LEPR: variants seen among roughly 807,000 people sequenced by gnomAD.
The protein encoded by LEPR is leptin receptor, also known as OB receptor.
In LEPR, 56 loss-of-function variants were observed where a neutral mutation model predicts 114.7. The ratio of observed to expected loss-of-function variants is 0.49; its 90% CI spans 0.39 to 0.61. LEPR has a LOEUF of 0.61. Among genes scored for constraint, LEPR ranks in the 20% least tolerant of loss-of-function variants. The probability of loss-of-function intolerance (pLI) is 0.00; values close to 1 mark genes in which losing one functional copy is unlikely to be tolerated. For missense variants in LEPR, 1,202 were observed against 1,352.9 expected (o/e 0.89, Z 1.75); for synonymous variants, 443 against 461.4 (o/e 0.96, Z 0.51).
intron 3 of LEPR, among the ~76,000 whole-genome samples, chr1:65,569,707 TAAAAA>T (rs199787348): frequency 4.3e-5 from 4 of 92,462 alleles, no homozygotes; most frequent in African/African-American, 4.6e-5. Context: ...AATTCCATCT[TAAAAA>T]AAAAAAAAAA....
chr1:65,621,515 C>T, intron 18 of LEPR, 57 bp downstream of exon 18: 1 of 1,436,522 alleles, frequency 7.0e-7, no homozygotes, highest in South Asian at 1.2e-5. Context: ...GTATTCAAAC[C>T]CTGATTTAAA....
intron 15 of LEPR, among the ~76,000 whole-genome samples, chr1:65,616,477 A>G (rs1309794927): frequency 6.6e-6 from 1 of 152,160 alleles, no homozygotes; most frequent in Non-Finnish European, 1.5e-5. Context: ...GTTTTAGTGA[A>G]TCTAATACTT....
At chr1:65,480,632 G>C (rs1328887823) in intron 2 of LEPR, among the ~76,000 whole-genome samples, 1 of 152,134 alleles carries the variant, frequency 6.6e-6, no homozygotes, top group Non-Finnish European at 1.5e-5. Context: ...TTATAGGTTT[G>C]AGTAGATTTT....
In LEPR at chr1:65,570,719, A is replaced by T. The variant is rs1654093668; in HGVS notation, c.287A>T (p.Asp96Val). ...CACTGTTGCTTTCGGAGTGAGCAAGATAGAAACTGCTCCTTATGTGCAGAC... is the reference window on the plus strand; with the variant it reads ...CACTGTTGCTTTCGGAGTGAGCAAGTTAGAAACTGCTCCTTATGTGCAGAC... ...TFHCCFRSEQDRNCSLCADNI... is the reference protein window; with the variant it reads ...TFHCCFRSEQVRNCSLCADNI... The change falls in exon 4 of 20, where the codon GAT (aspartate) becomes GTT (valine). Residue 96 changes from aspartate (D) to valine (V), a missense_variant. Transcript: ENST00000349533. The T allele has an allele frequency of 1.2e-6, 2 of 1,611,962 alleles. No individual in the cohort carries two copies. The highest frequency in any genetic ancestry group is 2.2e-5 in the East Asian group (1 of 44,812).
chr1:65,605,065 A>G lies in LEPR; in HGVS notation c.1431A>G (p.Pro477=). The part of the protein sequence containing the change: ...HRSSLYCSDI[P]SIHPISEPKD... ...GCAGCCTTTACTGTTCTGATATTCC[A>G]TCTATTCATCCCATATCTGAGCCCA... The change falls in exon 11 of 20, where the codon CCA becomes CCG. Residue 477 remains proline, a synonymous_variant. Transcript: ENST00000349533. 1 of 1,613,732 alleles carries G rather than the reference A, an allele frequency of 6.2e-7. No individual in the cohort carries two copies. Among genetic ancestry groups the G allele is most frequent in the Non-Finnish European group, 8.5e-7 (1 of 1,180,012 alleles).
rs1570868164 is a variant in LEPR, at chr1:65,633,898, C to T, written c.2674-2293C>T. 2.0e-6 allele frequency: 2 copies of T among 985,386 alleles called. No individual in the cohort carries two copies. Among genetic ancestry groups the T allele is most frequent in the East Asian group, 1.1e-4 (1 of 8,822 alleles). 61.0% of individuals were successfully genotyped at this position (985,386 alleles called of 1,614,324 possible). The stretch of plus-strand genomic sequence containing the variant: ...GTTCATATCAGGATGACCCTACATA[C>T]CCAGGTCAGATTGACGGGACCAGAA... On this transcript the variant is annotated intron_variant, in intron 19 of 19. Coordinates refer to ENST00000349533, the MANE Select transcript of LEPR (RefSeq NM_002303.6). The surrounding 1 kb of genome is among the most constrained non-coding windows in gnomAD (Gnocchi z 4.1).
At chr1:65,524,028 A>T (rs1009327963) in intron 2 of LEPR, among the ~76,000 whole-genome samples, 5 of 152,242 alleles carry the variant, frequency 3.3e-5, no homozygotes, top group African/African-American at 1.2e-4. Flanking sequence ...TGAAGCCACC[A>T]GAGGCAAGGA....
intron 2 of LEPR, among the ~76,000 whole-genome samples, chr1:65,478,564 C>A (rs1405210801): frequency 6.6e-6 from 1 of 152,136 alleles, no homozygotes; most frequent in Non-Finnish European, 1.5e-5. Flanking sequence ...TGCTCGTCTG[C>A]AGTTCAGTTA....
chr1:65,485,788 G>C (rs1267349167), intron 2 of LEPR, among the ~76,000 whole-genome samples: 2 of 152,128 alleles, frequency 1.3e-5, no homozygotes, highest in Admixed American at 1.3e-4. Context: ...TGGAGCCATT[G>C]TGGGTCTCTT....
At chr1:65,620,122 T>C in intron 17 of LEPR, 99 bp downstream of exon 17, 3 of 950,210 alleles carry the variant, frequency 3.2e-6, no homozygotes, top group Non-Finnish European at 5.0e-6. Flanking sequence ...GATAGAATCA[T>C]GGAAGAGTCC....
chr1:65,619,589 A>G (rs553111256), intron 16 of LEPR, among the ~76,000 whole-genome samples: 5 of 152,304 alleles, frequency 3.3e-5, no homozygotes, highest in African/African-American at 1.2e-4. Context: ...GAGGTAGTAG[A>G]ACATATTGCT....
At chr1:65,487,915 G>A (rs879513540) in intron 2 of LEPR, among the ~76,000 whole-genome samples, 14 of 135,554 alleles carry the variant, frequency 1.0e-4, no homozygotes, top group African/African-American at 1.1e-4. Context: ...TTCTTTTTTC[G>A]TCTTTCTTTT....
intron 3 of LEPR, among the ~76,000 whole-genome samples, chr1:65,569,667 A>G (rs1654016210): frequency 6.9e-6 from 1 of 144,364 alleles, no homozygotes; most frequent in African/African-American, 2.6e-5. Context: ...AGATCATGCC[A>G]CTGCACTCCA....
Position 65,641,212 on chromosome 1 carries a change from G to A in LEPR, c.*4197G>A, listed in dbSNP as rs947286383. On this transcript the variant is annotated 3_prime_UTR_variant, in exon 20 of 20. Coordinates refer to ENST00000349533, the MANE Select transcript of LEPR (RefSeq NM_002303.6). ...ATGGCATTAAATTCAATTTTATGAGGCTTTCTGACATATTTACTAAAAAAA... is the reference window on the plus strand; with the variant it reads ...ATGGCATTAAATTCAATTTTATGAGACTTTCTGACATATTTACTAAAAAAA... The A allele has an allele frequency of 4.6e-5, 7 of 152,078 alleles. No homozygotes were observed. In the East Asian group the frequency reaches 1.3e-3, roughly 29 times the overall value. The allele number at this position is 152,078 out of a possible 1,614,324, so 9.4% of individuals were successfully genotyped here. A position where few individuals can be genotyped will look rare whatever the true frequency, so the allele number is the denominator to read the frequency against.
chr1:65,546,309 G>A lies in LEPR; in HGVS notation c.-20-19237G>A, dbSNP rs375885600. 1.3e-3 allele frequency among the ~76,000 whole-genome samples: 203 copies of A among 152,144 alleles called. 1 individual carries two copies. The highest frequency in any genetic ancestry group is 3.1e-4 in the Non-Finnish European group (21 of 67,968). ...GATGCGGGCTCTTTTTTGGTTCCATGTGAACTTTAAAGTAGTTTTTTCCAA... is the reference window on the plus strand; with the variant it reads ...GATGCGGGCTCTTTTTTGGTTCCATATGAACTTTAAAGTAGTTTTTTCCAA... On this transcript the variant is annotated intron_variant, in intron 2 of 19. Transcript: ENST00000349533.
At chr1:65,458,899 G>T (rs925461232) in intron 2 of LEPR, among the ~76,000 whole-genome samples, 1 of 151,634 alleles carries the variant, frequency 6.6e-6, no homozygotes, top group Non-Finnish European at 1.5e-5. Context: ...TCTTTGCTTT[G>T]CAATTTGGCA....
chr1:65,527,854 T>G (rs1650079456), intron 2 of LEPR, among the ~76,000 whole-genome samples: 1 of 152,188 alleles, frequency 6.6e-6, no homozygotes, highest in East Asian at 1.9e-4. Context: ...GTAAATTGCT[T>G]GTTGAGTGAA....
At chr1:65,498,407 A>C (rs1167409332) in intron 2 of LEPR, among the ~76,000 whole-genome samples, 2 of 151,904 alleles carry the variant, frequency 1.3e-5, no homozygotes, top group Non-Finnish European at 2.9e-5. Context: ...CACTTCCCTC[A>C]CCTGAAATTA....
chr1:65,438,817 A>T (rs1010889853), intron 2 of LEPR, among the ~76,000 whole-genome samples: 2 of 152,164 alleles, frequency 1.3e-5, no homozygotes, highest in Non-Finnish European at 2.9e-5. Context: ...TTCTAAGCCA[A>T]ATCAGTCAGA....
Sources: allele counts gnomAD v4.1 joint callset (sites outside exome capture counted in the v4.1 genomes callset), GRCh38; gene constraint gnomAD v4.1.1; non-coding constraint Gnocchi (gnomAD v3.1); transcripts MANE v1.5; gene names NCBI Gene and HGNC (gene_info 2026-07-23, HGNC 2026-07-21).